The following CBLL1 variants were observed in gnomAD, a reference collection of about 807,000 sequenced individuals.
CBLL1 encodes the protein Cbl proto-oncogene like 1.
A neutral mutation model predicts 44.9 loss-of-function variants in CBLL1; 4 were observed. The ratio of observed to expected loss-of-function variants is 0.09; its 90% confidence interval spans 0.04 to 0.20. CBLL1 has a LOEUF of 0.20. Ranked by LOEUF, CBLL1 falls within the 10% of genes least tolerant of loss-of-function variation. The pLI is 1.00. For missense variants in CBLL1, 569 were observed against 636.7 expected, an observed-to-expected ratio of 0.89 and a Z score of 1.14; for synonymous variants, 235 against 202.2, an observed-to-expected ratio of 1.16 and a Z score of -1.38.
rs1341648264 is a variant in CBLL1 at position 107,759,133 on chromosome 7, A to G, written c.1431A>G (p.Gly477=). 6.2e-7 allele frequency: 1 copy of G among 1,613,682 alleles called. No individual in the cohort carries two copies. Among genetic ancestry groups the G allele is most frequent in the Non-Finnish European group, 8.5e-7 (1 of 1,179,920 alleles). Residue 477 remains glycine (G), a synonymous_variant, in exon 6 of 6, where the codon GGA becomes GGG. Coordinates refer to ENST00000440859, the MANE Select transcript of CBLL1 (RefSeq NM_024814.4). Reference sequence around the variant, plus strand: ...CGCCTTCTCAAACCCCACTTCCTGGACCACATCATCCAGATCAGACAAGAT... The same window carrying G: ...CGCCTTCTCAAACCCCACTTCCTGGGCCACATCATCCAGATCAGACAAGAT... ...QGPPSQTPLP[G]PHHPDQTRYR...
intron 2 of CBLL1, among the ~76,000 whole-genome samples, chr7:107,750,123 A>T (rs1793219249): frequency 6.7e-6 from 1 of 149,734 alleles, no homozygotes; most frequent in Non-Finnish European, 1.5e-5. Flanking sequence ...TTTTATATTT[A>T]ATTTTTGTAG....
intron 2 of CBLL1, among the ~76,000 whole-genome samples, chr7:107,751,981 T>C (rs1210970266): frequency 1.3e-5 from 2 of 151,952 alleles, no homozygotes; most frequent in Admixed American, 1.3e-4. Flanking sequence ...GGGCGGGTCA[T>C]GAGGTCAGGA....
chr7:107,752,403 A>G (rs1013563009), intron 2 of CBLL1: 9 of 329,876 alleles, frequency 2.7e-5, no homozygotes, highest in African/African-American at 1.9e-4. Context: ...AGCTTCAAAA[A>G]CTTCTTGCAT....
At chr7:107,751,383 G>A (rs1793285205) in intron 2 of CBLL1, among the ~76,000 whole-genome samples, 1 of 150,060 alleles carries the variant, frequency 6.7e-6, no homozygotes, top group South Asian at 2.2e-4. Context: ...TCCAAGGCCT[G>A]GGAGTTGGGG....
intron 2 of CBLL1, 108 bp downstream of exon 2, chr7:107,749,155 A>T (rs1793152573): frequency 3.3e-6 from 3 of 895,742 alleles, no homozygotes; most frequent in Non-Finnish European, 4.9e-6. Context: ...TATTCTATTC[A>T]TTCTTCAACC....
At chr7:107,755,842 A>C (rs1303701504) in intron 5 of CBLL1, among the ~76,000 whole-genome samples, 1 of 152,154 alleles carries the variant, frequency 6.6e-6, no homozygotes, top group African/African-American at 2.4e-5. Context: ...TTGTTCTGCT[A>C]TTTATTAGCT....
rs141309383 is a variant in CBLL1 at position 107,758,490 on chromosome 7, C to T, written c.788C>T (p.Pro263Leu). 3.7e-6 allele frequency: 6 copies of T among 1,614,052 alleles called. No individual in the cohort carries two copies. The highest frequency in any genetic ancestry group is 3.4e-6 in the Non-Finnish European group (4 of 1,180,042). The change falls in exon 6 of 6, where the codon CCT becomes CTT. Residue 263 changes from proline to leucine, a missense_variant. By Grantham distance (98) the Pro-to-Leu change is moderately conservative. Coordinates refer to ENST00000440859, the MANE Select transcript of CBLL1 (RefSeq NM_024814.4). This position sits in a 1 kb window ranked among gnomAD's most constrained non-coding sequence, Gnocchi z 4.2. ...CAGCCACATGAGGATATTCGTGCTCCTCCAGCAGAATTGTCCATGGCTCCA... is the reference window on the plus strand; with the variant it reads ...CAGCCACATGAGGATATTCGTGCTCTTCCAGCAGAATTGTCCATGGCTCCA... ...YNQPHEDIRA[P>L]PAELSMAPPP...
rs771316196 is a variant in CBLL1 at position 107,761,328 on chromosome 7, T to TA, written c.*2156dup. 1 of 152,168 alleles carries TA rather than the reference T, an allele frequency of 6.6e-6. No individual in the cohort carries two copies. The highest frequency in any genetic ancestry group is 1.5e-5 in the Non-Finnish European group (1 of 67,876). The allele number at this position is 152,168 out of a possible 1,614,324, so 9.4% of individuals were successfully genotyped here. A position where few individuals can be genotyped will look rare whatever the true frequency, so the allele number is the denominator to read the frequency against. ...ATTAAGAGAACCCTTGTAGAGTTTT[T>TA]AAAAAATGATTTATTTTCAATTAGG... On this transcript the variant is annotated 3_prime_UTR_variant, in exon 6 of 6. Coordinates refer to ENST00000440859, the MANE Select transcript of CBLL1 (RefSeq NM_024814.4).
At chr7:107,745,468 A>G (rs1390325347) in intron 1 of CBLL1, among the ~76,000 whole-genome samples, 1 of 152,230 alleles carries the variant, frequency 6.6e-6, no homozygotes, top group Admixed American at 6.5e-5. Flanking sequence ...TGAGATTGGA[A>G]AGGAGGGCAG....
Position 107,758,651 on chromosome 7 carries a change from C to T in CBLL1, c.949C>T (p.His317Tyr). The change falls in exon 6 of 6, where the codon CAC becomes TAC. Residue 317 changes from histidine to tyrosine, a missense_variant. By Grantham distance (83) the His-to-Tyr change is moderately conservative (BLOSUM62 2). This residue lies in a region of CBLL1 where 228 missense variants were observed against 253.2 expected (regional missense o/e 0.90). Transcript: ENST00000440859. The surrounding 1 kb of genome is among the most constrained non-coding windows in gnomAD (Gnocchi z 4.2). ...EPPPPAPAPA[H>Y]HHPEYQGQPV... ...ACCACCTCCTGCCCCAGCACCTGCT[C>T]ACCATCATCCTGAATATCAGGGTCA... 6 of 1,614,096 alleles carry T rather than the reference C, an allele frequency of 3.7e-6. No individual in the cohort carries two copies. The highest frequency in any genetic ancestry group is 5.1e-6 in the Non-Finnish European group (6 of 1,180,000).
At chr7:107,751,131 G>A (rs748978487) in intron 2 of CBLL1, among the ~76,000 whole-genome samples, 47 of 152,158 alleles carry the variant, frequency 3.1e-4, no homozygotes, top group Non-Finnish European at 4.9e-4. Context: ...CAGGTGGAGA[G>A]TGATGGCAGG....
chr7:107,758,692 C>T lies in CBLL1; in HGVS notation c.990C>T (p.His330=). The change falls in exon 6 of 6, where the codon CAC becomes CAT. Residue 330 remains histidine (H), a synonymous_variant. Coordinates refer to ENST00000440859, the MANE Select transcript of CBLL1 (RefSeq NM_024814.4). The surrounding 1 kb of genome is among the most constrained non-coding windows in gnomAD (Gnocchi z 4.2). ...PEYQGQPVVS[H]PHHIMPPQQH... is the part of the protein sequence containing the mutation. ...ATCAGGGTCAACCAGTGGTATCGCA[C>T]CCTCATCATATTATGCCTCCACAGC... The T allele has an allele frequency of 6.2e-7, 1 of 1,613,850 alleles. No individual in the cohort carries two copies. Among genetic ancestry groups the T allele is most frequent in the Non-Finnish European group, 8.5e-7 (1 of 1,179,952 alleles).
chr7:107,749,842 C>T (rs2023712), intron 2 of CBLL1, among the ~76,000 whole-genome samples: 112,893 of 152,030 alleles, frequency 0.74, 42,270 homozygotes, highest in East Asian at 0.99. Context: ...TTTTTCATAG[C>T]ATTGACCATT....
At chr7:107,750,833 A>G (rs1011426214) in intron 2 of CBLL1, among the ~76,000 whole-genome samples, 5 of 149,282 alleles carry the variant, frequency 3.3e-5, no homozygotes, top group Admixed American at 6.7e-5. Context: ...GGGCTTTCAC[A>G]CTATAATGGT....
chr7:107,751,306 A>C (rs1015478023), intron 2 of CBLL1, among the ~76,000 whole-genome samples: 5 of 152,180 alleles, frequency 3.3e-5, no homozygotes, highest in African/African-American at 1.2e-4. Flanking sequence ...GTCAAGTGGT[A>C]ATGCTCCCTA....
At position 107,759,014 on chromosome 7, in the gene CBLL1, A is replaced by G; in HGVS notation, c.1312A>G (p.Thr438Ala). The stretch of plus-strand genomic sequence containing the variant: ...ACCCCAGTTCACTGAAGATCAAGGA[A>G]CTCTGAGCCCTCCATTTACACAACC... ...SLPQFTEDQG[T>A]LSPPFTQPGG... Residue 438 changes from threonine (T) to alanine (A), a missense_variant, in exon 6 of 6, where the codon ACT becomes GCT. Around this residue, in one of 5 missense-constraint regions of CBLL1, gnomAD observed 228 missense variants for 253.2 expected, o/e 0.90. Coordinates refer to ENST00000440859, the MANE Select transcript of CBLL1 (RefSeq NM_024814.4). 2 of 1,613,788 alleles carry G rather than the reference A, an allele frequency of 1.2e-6. No individual in the cohort carries two copies. The highest frequency in any genetic ancestry group is 1.7e-6 in the Non-Finnish European group (2 of 1,179,958).
chr7:107,752,667 G>T, intron 2 of CBLL1: 1 of 1,050,076 alleles, frequency 9.5e-7, no homozygotes, highest in Non-Finnish European at 1.3e-6. Flanking sequence ...TTGGTTTTCT[G>T]TTCTTTTGTA....
At position 107,760,429 on chromosome 7, in the gene CBLL1, G is replaced by A. The variant is rs936861650; in HGVS notation, c.*1251G>A. The A allele has an allele frequency of 6.6e-6, 1 of 152,152 alleles. No homozygotes were observed. The highest frequency in any genetic ancestry group is 1.5e-5 in the Non-Finnish European group (1 of 67,934). The allele number at this position is 152,152 out of a possible 1,614,324, so 9.4% of individuals were successfully genotyped here. On this transcript the variant is annotated 3_prime_UTR_variant, in exon 6 of 6. Coordinates refer to ENST00000440859, the MANE Select transcript of CBLL1 (RefSeq NM_024814.4). ...ACAGTGAAGACTACCAGATAATTTT[G>A]TATTGGAGAAGAGGAAATAACAGCT...
chr7:107,749,094 A>T, intron 2 of CBLL1, 47 bp downstream of exon 2: 1 of 1,574,288 alleles, frequency 6.4e-7, no homozygotes, highest in Non-Finnish European at 8.7e-7. Context: ...GTTTTATCTG[A>T]TTGCTTCGGA....
Sources: gnomAD v4.1 joint callset for allele counts (sites outside exome capture counted in the v4.1 genomes callset) on GRCh38, gnomAD v4.1.1 for gene constraint, gnomAD v4.1.1 regional missense constraint, Gnocchi (gnomAD v3.1) non-coding constraint, MANE v1.5 for transcripts, NCBI Gene and HGNC (gene_info 2026-07-23, HGNC 2026-07-21) for gene names.